CREBBP: variants seen among roughly 807,000 people sequenced by gnomAD.
CREBBP encodes CREB binding lysine acetyltransferase, also known as CREB-binding protein.
CREBBP carries 19 observed loss-of-function variants against 265.0 expected under a neutral mutation model. That is an observed-to-expected ratio of 0.07 (90% CI 0.05 to 0.11). The LOEUF (loss-of-function observed/expected upper bound fraction) is 0.11, where lower values mean the gene tolerates loss of function less well. CREBBP is among the 10% of genes least tolerant of loss of function. The pLI is 1.00. For synonymous variants in CREBBP, 1,457 were observed against 1,223.7 expected (o/e 1.19, Z -3.98); for missense variants, 2,525 against 3,219.0 (o/e 0.78, Z 5.22).
intron 16 of CREBBP, among the ~76,000 whole-genome samples, chr16:3,761,353 A>C (rs1384347978): frequency 6.6e-6 from 1 of 152,238 alleles, no homozygotes; most frequent in Non-Finnish European, 1.5e-5. Flanking sequence ...GGAAGCGGCA[A>C]GCATCAGGTA....
intron 13 of CREBBP, among the ~76,000 whole-genome samples, chr16:3,772,887 T>C (rs1404365196): frequency 2.4e-5 from 3 of 126,360 alleles, no homozygotes; most frequent in Admixed American, 1.0e-4. Context: ...CTGGCCAACA[T>C]GGTGAAATCC....
intron 5 of CREBBP, 133 bp downstream of exon 5, chr16:3,791,848 C>A (rs978232944): frequency 2.1e-5 from 17 of 794,290 alleles, no homozygotes; most frequent in Non-Finnish European, 3.1e-5. Context: ...GTACCTTGGG[C>A]TGCTGTCCGC....
intron 1 of CREBBP, among the ~76,000 whole-genome samples, chr16:3,879,081 T>C (rs1172948712): frequency 6.6e-6 from 1 of 152,156 alleles, no homozygotes; most frequent in Non-Finnish European, 1.5e-5. Context: ...CAAATGGAGA[T>C]TGCAGCCCAA....
In CREBBP at chr16:3,725,178, T is replaced by C; in HGVS notation, c.*2540A>G. On this transcript the variant is annotated 3_prime_UTR_variant, in exon 31 of 31. Transcript: ENST00000262367. ...AAGTATACAGCATGAGACACAGCGT[T>C]GGGGCTTTCCAGGTTTCTTACAGAA... is the stretch of plus-strand genomic sequence containing the variant. 4.3e-6 allele frequency: 1 copy of C among 233,608 alleles called. No homozygotes were observed. The highest frequency in any genetic ancestry group is 8.5e-6 in the Non-Finnish European group (1 of 117,986). 14.5% of individuals were successfully genotyped at this position (233,608 alleles called of 1,614,324 possible).
At position 3,728,439 on chromosome 16, in the gene CREBBP, T is replaced by C; in HGVS notation, c.6608A>G (p.Gln2203Arg). 6.2e-7 allele frequency: 1 copy of C among 1,610,496 alleles called. No individual in the cohort carries two copies. Among genetic ancestry groups the C allele is most frequent in the Non-Finnish European group, 8.5e-7 (1 of 1,178,130 alleles). ...LRRQLLQQQQ[Q>R]QQQQQQQQQQ... Reference sequence around the variant, plus strand: ...TTGCTGCTGTTGTTGCTGCTGCTGTTGCTGCTGCTGCTGCAGCAGCTGCCT... The same window carrying C: ...TTGCTGCTGTTGTTGCTGCTGCTGTCGCTGCTGCTGCTGCAGCAGCTGCCT... Residue 2203 changes from glutamine to arginine, a missense_variant, in exon 31 of 31, where the codon CAA becomes CGA. Gln to Arg is a conservative substitution (Grantham distance 43). This residue lies in a region of CREBBP where 473 missense variants were observed against 459.3 expected (regional missense o/e 1.03). Coordinates refer to ENST00000262367, the MANE Select transcript of CREBBP (RefSeq NM_004380.3). The surrounding 1 kb of genome is among the most constrained non-coding windows in gnomAD (Gnocchi z 8.7).
intron 2 of CREBBP, among the ~76,000 whole-genome samples, chr16:3,843,531 C>G (rs1308477240): frequency 6.6e-6 from 1 of 151,852 alleles, no homozygotes; most frequent in Admixed American, 6.6e-5. Context: ...AGCAATCCAC[C>G]TGCTTCAGCC....
chr16:3,725,253 T>A lies in CREBBP; in HGVS notation c.*2465A>T, dbSNP rs1464106797. On this transcript the variant is annotated 3_prime_UTR_variant, in exon 31 of 31. Transcript: ENST00000262367. ...TAGCATCCACAGACCATGCTCTCGG[T>A]CACATCCTTCGACATCTGGATTGCC... The A allele has an allele frequency of 8.6e-6, 2 of 233,354 alleles. No homozygotes were observed. Among genetic ancestry groups the A allele is most frequent in the African/African-American group, 4.4e-5 (2 of 45,356 alleles). The allele number at this position is 233,354 out of a possible 1,614,324, so 14.5% of individuals were successfully genotyped here. A position where few individuals can be genotyped will look rare whatever the true frequency, so the allele number is the denominator to read the frequency against.
In CREBBP at chr16:3,729,134, G is replaced by T; in HGVS notation, c.5913C>A (p.His1971Gln). Reference sequence around the variant, plus strand: ...TGTTGTTGATGTTCACCCGGTACAGGTGCTGCTGCTGCTGGGCCTCACGCT... The same window carrying T: ...TGTTGTTGATGTTCACCCGGTACAGTTGCTGCTGCTGCTGGGCCTCACGCT... ...QIEREAQQQQ[H>Q]LYRVNINNSM... The change falls in exon 31 of 31, where the codon CAC becomes CAA. Residue 1971 changes from histidine (H) to glutamine (Q), a missense_variant. Transcript: ENST00000262367. The T allele has an allele frequency of 1.9e-6, 3 of 1,570,876 alleles. No individual in the cohort carries two copies. Among genetic ancestry groups the T allele is most frequent in the East Asian group, 2.3e-5 (1 of 42,650 alleles).
chr16:3,821,586 C>T (rs1437966884), intron 2 of CREBBP, among the ~76,000 whole-genome samples: 2 of 152,128 alleles, frequency 1.3e-5, no homozygotes, highest in Non-Finnish European at 2.9e-5. Flanking sequence ...CTTTTAAGTC[C>T]TAATATTTTT....
chr16:3,841,372 A>G (rs2141451196), intron 2 of CREBBP, among the ~76,000 whole-genome samples: 1 of 152,272 alleles, frequency 6.6e-6, no homozygotes, highest in East Asian at 1.9e-4. Flanking sequence ...GTTTGGCTAC[A>G]GCGTAATAAT....
intron 1 of CREBBP, among the ~76,000 whole-genome samples, chr16:3,866,235 A>G (rs2055176868): frequency 6.6e-6 from 1 of 152,234 alleles, no homozygotes; most frequent in South Asian, 2.1e-4. Context: ...CAACGCTCAC[A>G]CAGGGAAATC....
chr16:3,745,125 A>C, intron 22 of CREBBP, 152 bp downstream of exon 22: 1 of 917,740 alleles, frequency 1.1e-6, no homozygotes, highest in Non-Finnish European at 1.7e-6. Context: ...TAAAGCGGAC[A>C]AACGCTTAGA....
At chr16:3,739,347 G>A (rs991307050) in intron 25 of CREBBP, 3 of 571,164 alleles carry the variant, frequency 5.3e-6, no homozygotes, top group South Asian at 4.0e-5. Flanking sequence ...AGGTAAGAGC[G>A]GGTCCCACAC....
chr16:3,879,267 AAGG>A (rs2055471032), intron 1 of CREBBP, among the ~76,000 whole-genome samples: 1 of 150,450 alleles, frequency 6.6e-6, no homozygotes, highest in Non-Finnish European at 1.5e-5. Flanking sequence ...CACACAAAAC[AAGG>A]AGTTTTGAAA....
chr16:3,879,888 G>A lies in CREBBP; in HGVS notation c.29C>T (p.Pro10Leu). Residue 10 changes from proline (P) to leucine (L), a missense_variant, in exon 1 of 31, where the codon CCC becomes CTC. Physicochemically the swap from Pro to Leu is moderately conservative, Grantham distance 98. Around this residue, in one of 19 missense-constraint regions of CREBBP, gnomAD observed 356 missense variants for 340.4 expected, o/e 1.05. Coordinates refer to ENST00000262367, the MANE Select transcript of CREBBP (RefSeq NM_004380.3). MAENLLDGP[P>L]NPKRAKLSSP... ...GCTGAGTTTGGCTCTTTTGGGGTTG[G>A]GCGGTCCGTCCAGCAAGTTCTCAGC... 1 of 1,612,816 alleles carries A rather than the reference G, an allele frequency of 6.2e-7. No individual in the cohort carries two copies. The highest frequency in any genetic ancestry group is 1.1e-5 in the South Asian group (1 of 90,804).
chr16:3,786,148 A>T (rs1187721342), intron 5 of CREBBP, among the ~76,000 whole-genome samples: 4 of 152,166 alleles, frequency 2.6e-5, no homozygotes, highest in Non-Finnish European at 5.9e-5. Flanking sequence ...GGATCACTTG[A>T]GGTCAGGAGT....
chr16:3,764,381 A>G (rs2151396777), intron 16 of CREBBP, among the ~76,000 whole-genome samples: 1 of 152,164 alleles, frequency 6.6e-6, no homozygotes, highest in South Asian at 2.1e-4. Context: ...GGCTCAAGCA[A>G]TCTTCCCACC....
At chr16:3,823,426 A>C (rs2054177970) in intron 2 of CREBBP, among the ~76,000 whole-genome samples, 1 of 152,160 alleles carries the variant, frequency 6.6e-6, no homozygotes, top group South Asian at 2.1e-4. Flanking sequence ...TGGCCGCGTA[A>C]CCTGTCAAGC....
Position 3,850,793 on chromosome 16 carries a change from C to T in CREBBP, c.302G>A (p.Gly101Asp), listed in dbSNP as rs2141495270. 6.2e-7 allele frequency: 1 copy of T among 1,614,054 alleles called. No individual in the cohort carries two copies. Reference protein sequence around the residue: ...ASSPVQQGLGGQAQGQPNSAN... With the variant: ...ASSPVQQGLGDQAQGQPNSAN... ...ACTGTTCGGCTGCCCTTGAGCCTGG[C>T]CACCCAGGCCCTGCTGCACGGGGCT... Residue 101 changes from glycine (G) to aspartate (D), a missense_variant, in exon 2 of 31, where the codon GGC becomes GAC. Physicochemically the swap from Gly to Asp is moderately conservative, Grantham distance 94. This residue lies in a region of CREBBP where 356 missense variants were observed against 340.4 expected (regional missense o/e 1.05). Transcript: ENST00000262367.
Sources: allele counts gnomAD v4.1 joint callset (sites outside exome capture counted in the v4.1 genomes callset), GRCh38; gene constraint gnomAD v4.1.1; regional missense constraint gnomAD v4.1.1; non-coding constraint Gnocchi (gnomAD v3.1); transcripts MANE v1.5; gene names NCBI Gene and HGNC (gene_info 2026-07-23, HGNC 2026-07-21).